Variants in CLEC17A observed in about 807,000 individuals in gnomAD.
The protein encoded by CLEC17A is C-type lectin domain containing 17A.
CLEC17A carries 37 observed loss-of-function variants against 61.3 expected under a neutral mutation model. The observed-to-expected ratio is 0.60, with a 90% confidence interval of 0.46 to 0.79. CLEC17A has a LOEUF of 0.79. Among genes scored for constraint, CLEC17A ranks in the 30% least tolerant of loss-of-function variants. The probability of loss-of-function intolerance (pLI) is 0.00; values close to 1 mark genes in which losing one functional copy is unlikely to be tolerated. For synonymous variants in CLEC17A, 168 were observed against 164.9 expected (o/e 1.02, Z -0.14); for missense variants, 418 against 464.7 (o/e 0.90, Z 0.92).
rs555822728 is a variant in CLEC17A, at chr19:14,589,522, T to C, written c.199+1831T>C. Among the ~76,000 whole-genome samples the C allele has an allele frequency of 9.5e-4, 133 of 140,420 alleles. No homozygotes were observed. In the South Asian group the frequency reaches 0.014, roughly 14 times the overall value. The allele number at this position is 140,420 out of a possible 152,430, so 92.1% of individuals were successfully genotyped here. A position where few individuals can be genotyped will look rare whatever the true frequency, so the allele number is the denominator to read the frequency against. ...CATAGCTCACTGCAGCCTTGAGCTC[T>C]TGGGTCCAAGCAATCCTCCTACTAC... On this transcript the variant is annotated intron_variant, in intron 3 of 13. Transcript: ENST00000417570.
chr19:14,606,679 C>CAA (rs576466666), intron 12 of CLEC17A, among the ~76,000 whole-genome samples: 39 of 66,426 alleles, frequency 5.9e-4, no homozygotes, highest in African/African-American at 1.9e-3. Context: ...GACTCCCTCT[C>CAA]AAAAAAAAAA....
intron 4 of CLEC17A, among the ~76,000 whole-genome samples, chr19:14,592,997 G>T (rs2146690575): frequency 6.6e-6 from 1 of 152,150 alleles, no homozygotes; most frequent in African/African-American, 2.4e-5. Flanking sequence ...AGAAGCACAG[G>T]AGAGAATTGT....
intron 8 of CLEC17A, among the ~76,000 whole-genome samples, 180 bp from the exon 9 acceptor site, chr19:14,596,696 A>G (rs1429212127): frequency 6.6e-6 from 1 of 152,184 alleles, no homozygotes; most frequent in Non-Finnish European, 1.5e-5. Context: ...TAAATGCATC[A>G]AAAAGACCCT....
intron 2 of CLEC17A, among the ~76,000 whole-genome samples, 187 bp from the exon 3 acceptor site, chr19:14,587,427 C>G (rs911815158): frequency 1.3e-5 from 2 of 152,148 alleles, no homozygotes; most frequent in African/African-American, 4.8e-5. Flanking sequence ...CATGCACAAC[C>G]TGTATTCTAT....
Position 14,611,283 on chromosome 19 carries a change from A to G in CLEC17A, c.*1087A>G, listed in dbSNP as rs1000532207. ...CCATCAAAATTATTTTTGACCAGCA[A>G]CTTTCTCAATGTCTTGGGTGAGGTT... On this transcript the variant is annotated 3_prime_UTR_variant, in exon 14 of 14. Transcript: ENST00000417570. 2.6e-5 allele frequency: 4 copies of G among 151,698 alleles called. No individual in the cohort carries two copies. Among genetic ancestry groups the G allele is most frequent in the African/African-American group, 9.7e-5 (4 of 41,254 alleles). The allele number at this position is 151,698 out of a possible 1,614,324, so 9.4% of individuals were successfully genotyped here. A position where few individuals can be genotyped will look rare whatever the true frequency, so the allele number is the denominator to read the frequency against.
intron 4 of CLEC17A, 155 bp from the exon 5 acceptor site, chr19:14,594,362 A>G: frequency 4.6e-6 from 4 of 877,294 alleles, no homozygotes; most frequent in East Asian, 2.7e-5. Context: ...ACTTAATCCC[A>G]TCTCCATCCC....
rs752957972 is a variant in CLEC17A, at chr19:14,610,164, T to A, written c.1105T>A (p.Tyr369Asn). ...WNDLSCYKTT[Y>N]WICERKCSC ...TGATCTCTCTTGCTACAAAACTACGTATTGGATTTGTGAGCGGAAATGTTC... is the reference window on the plus strand; with the variant it reads ...TGATCTCTCTTGCTACAAAACTACGAATTGGATTTGTGAGCGGAAATGTTC... The change falls in exon 14 of 14, where the codon TAT becomes AAT. Residue 369 changes from tyrosine (Y) to asparagine (N), a missense_variant. Tyr to Asn is a moderately radical substitution (Grantham distance 143). Transcript: ENST00000417570. 6.3e-7 allele frequency: 1 copy of A among 1,587,080 alleles called. No homozygotes were observed. Among genetic ancestry groups the A allele is most frequent in the Non-Finnish European group, 8.6e-7 (1 of 1,166,376 alleles).
chr19:14,593,204 C>T (rs1404166864), intron 4 of CLEC17A, among the ~76,000 whole-genome samples: 1 of 151,882 alleles, frequency 6.6e-6, no homozygotes, highest in Non-Finnish European at 1.5e-5. Flanking sequence ...GGGCTGGTTG[C>T]AGTGGTGTGT....
At chr19:14,606,453 T>C (rs903260066) in intron 12 of CLEC17A, among the ~76,000 whole-genome samples, 1 of 149,878 alleles carries the variant, frequency 6.7e-6, no homozygotes, top group Non-Finnish European at 1.5e-5. Flanking sequence ...CTGAGGCAGG[T>C]GAATCAACTG....
At chr19:14,582,690 C>T (rs1483774546), upstream of CLEC17A, among the ~76,000 whole-genome samples, 5 of 152,082 alleles carry the variant, frequency 3.3e-5, no homozygotes, top group Non-Finnish European at 7.3e-5. Flanking sequence ...TAACTGCAAC[C>T]TCCATCTCCC....
chr19:14,607,728 C>T (rs1052814133), intron 13 of CLEC17A, among the ~76,000 whole-genome samples: 4 of 151,802 alleles, frequency 2.6e-5, no homozygotes, highest in South Asian at 2.1e-4. Flanking sequence ...AGACACCCGC[C>T]GTCGTGCCTG....
intron 13 of CLEC17A, 107 bp downstream of exon 13, chr19:14,607,209 C>A: frequency 3.3e-6 from 1 of 299,702 alleles, no homozygotes; most frequent in Non-Finnish European, 5.7e-6. Flanking sequence ...GGAGCTGTTT[C>A]TTTTTTTTTT....
At chr19:14,594,407 T>G (rs1208455219) in intron 4 of CLEC17A, 110 bp from the exon 5 acceptor site, 4 of 1,408,420 alleles carry the variant, frequency 2.8e-6, no homozygotes, top group Non-Finnish European at 3.9e-6. Flanking sequence ...CAACCCCGTC[T>G]GTAACCTAAT....
In CLEC17A at chr19:14,583,127, C is replaced by G; in HGVS notation, c.-34C>G. 5 of 1,613,834 alleles carry G rather than the reference C, an allele frequency of 3.1e-6. No homozygotes were observed. Among genetic ancestry groups the G allele is most frequent in the Non-Finnish European group, 4.2e-6 (5 of 1,179,770 alleles). The stretch of plus-strand genomic sequence containing the variant: ...GACAGGGGGCAGAGGTTGCCAAGCC[C>G]TGGCTGCCACTTGTCAGGTTCCCTG... On this transcript the variant is annotated 5_prime_UTR_variant, in exon 1 of 14. Coordinates refer to ENST00000417570, the MANE Select transcript of CLEC17A (RefSeq NM_001204118.2).
chr19:14,589,414 T>C (rs948777955), intron 3 of CLEC17A, among the ~76,000 whole-genome samples: 8 of 138,526 alleles, frequency 5.8e-5, no homozygotes, highest in South Asian at 2.3e-4. Context: ...TTAGTTTTTA[T>C]GAGAGGAAAC....
At chr19:14,603,470 T>C (rs946805127) in intron 12 of CLEC17A, among the ~76,000 whole-genome samples, 3 of 151,834 alleles carry the variant, frequency 2.0e-5, no homozygotes, top group Non-Finnish European at 2.9e-5. Context: ...ATAGCTCACT[T>C]TTTTTTTGAG....
chr19:14,591,308 C>G (rs1054314467), intron 3 of CLEC17A, among the ~76,000 whole-genome samples: 29 of 151,384 alleles, frequency 1.9e-4, no homozygotes, highest in Admixed American at 1.3e-3. Flanking sequence ...GCGCCCGCCA[C>G]CACGCCTGGC....
In CLEC17A at chr19:14,610,063, G is replaced by A; in HGVS notation, c.1005-1G>A. ...CTCTGCCCACTTTTTCCTCCATCCAGCTTCTGGGAGCCAGAGGAACCCAAT... is the reference window on the plus strand; with the variant it reads ...CTCTGCCCACTTTTTCCTCCATCCAACTTCTGGGAGCCAGAGGAACCCAAT... On this transcript the variant is annotated splice_acceptor_variant, in intron 13 of 13. Transcript: ENST00000417570. LOFTEE classifies it high-confidence loss of function. The A allele has an allele frequency of 6.2e-7, 1 of 1,612,806 alleles. No individual in the cohort carries two copies. The highest frequency in any genetic ancestry group is 8.5e-7 in the Non-Finnish European group (1 of 1,179,222).
At chr19:14,583,230 G>T in intron 1 of CLEC17A, 27 bp downstream of exon 1, 2 of 1,612,916 alleles carry the variant, frequency 1.2e-6, no homozygotes, top group Non-Finnish European at 1.7e-6. Context: ...GCTGGGGCTG[G>T]GGCCTAGGTG....
Sources: gnomAD v4.1 joint callset for allele counts (sites outside exome capture counted in the v4.1 genomes callset) on GRCh38, gnomAD v4.1.1 for gene constraint, MANE v1.5 for transcripts, NCBI Gene and HGNC (gene_info 2026-07-23, HGNC 2026-07-21) for gene names.